Variants in RGS6 observed in about 807,000 individuals in gnomAD.
RGS6 encodes regulator of G protein signaling 6.
A neutral mutation model predicts 78.5 loss-of-function variants in RGS6; 30 were observed. That is an observed-to-expected ratio of 0.38 (90% confidence interval 0.29 to 0.52). The LOEUF is 0.52. RGS6 is among the 20% of genes least tolerant of loss of function. The pLI, the probability that RGS6 is intolerant of heterozygous loss-of-function variation, is 0.85. For missense variants in RGS6, 495 were observed against 609.7 expected (o/e 0.81, Z 1.98); for synonymous variants, 206 against 206.0 (o/e 1.00, Z 0.00).
chr14:72,286,094 A>G (rs563095907), intron 2 of RGS6, among the ~76,000 whole-genome samples: 1 of 152,312 alleles, frequency 6.6e-6, no homozygotes, highest in Non-Finnish European at 1.5e-5. Context: ...GCAGAGACCA[A>G]TATCATAAAG....
At chr14:72,561,506 G>A (rs1475715045) in intron 17 of RGS6, among the ~76,000 whole-genome samples, 1 of 152,200 alleles carries the variant, frequency 6.6e-6, no homozygotes, top group East Asian at 1.9e-4. Context: ...CTATGTAAGG[G>A]CAATAAGCAA....
the RGS6 span, among the ~76,000 whole-genome samples, chr14:72,596,709 G>T: frequency 6.6e-6 from 1 of 152,148 alleles, no homozygotes; most frequent in African/African-American, 2.4e-5. Flanking sequence ...TAACTAAGTG[G>T]TTACTACATG....
At chr14:72,249,528 T>C (rs943686902) in intron 2 of RGS6, among the ~76,000 whole-genome samples, 2 of 152,254 alleles carry the variant, frequency 1.3e-5, no homozygotes, top group Admixed American at 6.5e-5. Flanking sequence ...GGGCATATTC[T>C]GGTTTCCTAC....
downstream of RGS6, among the ~76,000 whole-genome samples, chr14:72,568,441 C>T (rs1246875598): frequency 6.6e-6 from 1 of 152,270 alleles, no homozygotes; most frequent in South Asian, 2.1e-4. Context: ...GGCAGCCTGG[C>T]CCCTGAGAGC....
At chr14:71,912,408 C>T in the RGS6 span, among the ~76,000 whole-genome samples, 1 of 152,092 alleles carries the variant, frequency 6.6e-6, no homozygotes, top group Non-Finnish European at 1.5e-5. Context: ...TTTTTGGTGA[C>T]CATCGTGTTC....
chr14:72,113,092 A>G (rs2095807651), intron 2 of RGS6, among the ~76,000 whole-genome samples: 1 of 145,878 alleles, frequency 6.9e-6, no homozygotes, highest in African/African-American at 2.5e-5. Context: ...GCACGCATGC[A>G]TGCACACACA....
intron 2 of RGS6, among the ~76,000 whole-genome samples, chr14:72,267,393 GGT>G (rs2059243016): frequency 1.3e-5 from 2 of 152,208 alleles, no homozygotes; most frequent in Non-Finnish European, 2.9e-5. Context: ...TCGTGTACAT[GGT>G]AGCTGTGGCT....
chr14:72,592,005 G>A, the RGS6 span, among the ~76,000 whole-genome samples: 1 of 152,156 alleles, frequency 6.6e-6, no homozygotes, highest in Non-Finnish European at 1.5e-5. Flanking sequence ...TCCCAGGAGG[G>A]GAGAGTCATC....
intron 2 of RGS6, among the ~76,000 whole-genome samples, chr14:72,226,124 T>C (rs2048071010): frequency 6.6e-6 from 1 of 152,152 alleles, no homozygotes; most frequent in African/African-American, 2.4e-5. Flanking sequence ...TAAATAAAAA[T>C]CCAAATCTAT....
chr14:72,377,025 A>C (rs1383088233), intron 3 of RGS6, among the ~76,000 whole-genome samples: 1 of 152,194 alleles, frequency 6.6e-6, no homozygotes, highest in Non-Finnish European at 1.5e-5. Flanking sequence ...AAGTAAAAAG[A>C]AATCGATAGG....
intron 2 of RGS6, among the ~76,000 whole-genome samples, chr14:72,267,867 G>T (rs1206278986): frequency 6.6e-6 from 1 of 152,146 alleles, no homozygotes; most frequent in East Asian, 1.9e-4. Flanking sequence ...ATTAATTTCT[G>T]CTCCAAAGCA....
the RGS6 span, among the ~76,000 whole-genome samples, chr14:71,896,278 G>A: frequency 2.6e-5 from 4 of 152,160 alleles, no homozygotes; most frequent in African/African-American, 4.8e-5. Flanking sequence ...GCAGCCCCGA[G>A]GGCTGCTGGT....
intron 2 of RGS6, among the ~76,000 whole-genome samples, chr14:72,032,108 T>C (rs559853197): frequency 6.6e-6 from 1 of 152,226 alleles, no homozygotes; most frequent in South Asian, 2.1e-4. Context: ...AAATTTCATA[T>C]AGAGACCACA....
At chr14:72,269,737 G>A (rs144597630) in intron 2 of RGS6, among the ~76,000 whole-genome samples, 1 of 151,802 alleles carries the variant, frequency 6.6e-6, no homozygotes, top group African/African-American at 2.4e-5. Flanking sequence ...ATTAACTTTT[G>A]CATTTTTAGT....
chr14:72,054,830 T>G (rs1022952061), intron 2 of RGS6, among the ~76,000 whole-genome samples: 3 of 152,114 alleles, frequency 2.0e-5, no homozygotes, highest in African/African-American at 7.3e-5. Context: ...ATACATTGTT[T>G]CATTTTGCCT....
chr14:72,494,205 AAGT>A (rs1468373074), intron 12 of RGS6, among the ~76,000 whole-genome samples: 1 of 152,216 alleles, frequency 6.6e-6, no homozygotes, highest in Non-Finnish European at 1.5e-5. Flanking sequence ...TGCTTGGAAA[AAGT>A]AGTATGATAT....
At chr14:72,062,594 A>G (rs2093947974) in intron 2 of RGS6, among the ~76,000 whole-genome samples, 1 of 152,138 alleles carries the variant, frequency 6.6e-6, no homozygotes, top group African/African-American at 2.4e-5. Flanking sequence ...AAATATTGCT[A>G]TTAGGACTTT....
the RGS6 span, among the ~76,000 whole-genome samples, chr14:72,624,333 C>CTTTTTTTTTTT: frequency 2.2e-3 from 213 of 97,792 alleles, 7 homozygotes; most frequent in African/African-American, 5.5e-3. Context: ...ACCTATGTCT[C>CTTTTTTTTTTT]TTTTTTTTTT....
At chr14:72,629,339 T>TA in the RGS6 span, among the ~76,000 whole-genome samples, 4 of 152,224 alleles carry the variant, frequency 2.6e-5, no homozygotes, top group East Asian at 7.7e-4. Context: ...TTGCCCATAA[T>TA]AAAAAATGTT....
Sources: gnomAD v4.1 joint callset for allele counts (sites outside exome capture counted in the v4.1 genomes callset) on GRCh38, gnomAD v4.1.1 for gene constraint, MANE v1.5 for transcripts, NCBI Gene and HGNC (gene_info 2026-07-23, HGNC 2026-07-21) for gene names.